Variants in ZSWIM6 observed in about 807,000 individuals in gnomAD.
The protein encoded by ZSWIM6 is zinc finger SWIM domain-containing protein 6.
A neutral mutation model predicts 113.2 loss-of-function variants in ZSWIM6; 9 were observed. That is an observed-to-expected ratio of 0.08 (90% CI 0.05 to 0.14). The LOEUF (loss-of-function observed/expected upper bound fraction) is 0.14, where lower values mean the gene tolerates loss of function less well. Among genes scored for constraint, ZSWIM6 ranks in the 10% least tolerant of loss-of-function variants. The probability of loss-of-function intolerance (pLI) is 1.00; values close to 1 mark genes in which losing one functional copy is unlikely to be tolerated. For synonymous variants in ZSWIM6, 611 were observed against 606.5 expected (o/e 1.01, Z -0.11); for missense variants, 1,162 against 1,552.2 (o/e 0.75, Z 4.22).
At chr5:61,453,972 G>A (rs1327441616) in intron 1 of ZSWIM6, among the ~76,000 whole-genome samples, 1 of 151,938 alleles carries the variant, frequency 6.6e-6, no homozygotes, top group African/African-American at 2.4e-5. Context: ...TTATTACTAT[G>A]TTATTCTAAT....
chr5:61,453,790 C>T (rs1286533180), intron 1 of ZSWIM6, among the ~76,000 whole-genome samples: 2 of 151,780 alleles, frequency 1.3e-5, no homozygotes, highest in Admixed American at 6.6e-5. Flanking sequence ...GATTAAACTC[C>T]ACCTACAGGA....
chr5:61,436,837 G>A (rs1746718419), intron 1 of ZSWIM6, among the ~76,000 whole-genome samples: 1 of 152,074 alleles, frequency 6.6e-6, no homozygotes, highest in Non-Finnish European at 1.5e-5. Flanking sequence ...CAATGAAACT[G>A]GTCTGTCTTT....
chr5:61,477,537 T>C (rs1024115564), intron 2 of ZSWIM6, among the ~76,000 whole-genome samples: 1 of 152,246 alleles, frequency 6.6e-6, no homozygotes, highest in Non-Finnish European at 1.5e-5. Flanking sequence ...TGTGTTGTTT[T>C]TCCATTTCAA....
intron 1 of ZSWIM6, among the ~76,000 whole-genome samples, chr5:61,431,753 CAA>C (rs1746587737): frequency 6.6e-6 from 1 of 151,866 alleles, no homozygotes; most frequent in Admixed American, 6.6e-5. Flanking sequence ...TCAAAAAAAA[CAA>C]AACAAAAAAA....
intron 1 of ZSWIM6, among the ~76,000 whole-genome samples, chr5:61,466,178 A>G (rs1366365169): frequency 3.3e-5 from 5 of 152,270 alleles, no homozygotes; most frequent in Middle Eastern, 3.4e-3. Flanking sequence ...ATTATGTGCA[A>G]TAGTTCTCAG....
chr5:61,408,986 C>G (rs13178686), intron 1 of ZSWIM6, among the ~76,000 whole-genome samples: 32,550 of 150,392 alleles, frequency 0.22, 3,680 homozygotes, highest in South Asian at 0.31. Flanking sequence ...GACCCGACCG[C>G]GCAGAGGCGG....
At chr5:61,461,796 C>G (rs1204681480) in intron 1 of ZSWIM6, among the ~76,000 whole-genome samples, 1 of 152,124 alleles carries the variant, frequency 6.6e-6, no homozygotes, top group Non-Finnish European at 1.5e-5. Flanking sequence ...AACACTCCCC[C>G]CAACCAACTA....
At chr5:61,342,032 A>C (rs957858100) in intron 1 of ZSWIM6, among the ~76,000 whole-genome samples, 3 of 151,926 alleles carry the variant, frequency 2.0e-5, no homozygotes, top group Admixed American at 6.6e-5. Context: ...GACATGCGCC[A>C]TGACGCCTGG....
In ZSWIM6 at chr5:61,391,002, G is replaced by A. The variant is rs560920744; in HGVS notation, c.676+58054G>A. 9 of 754,064 alleles carry A rather than the reference G, an allele frequency of 1.2e-5. No homozygotes were observed. In the East Asian group the frequency reaches 2.2e-4, roughly 19 times the overall value. 46.7% of individuals were successfully genotyped at this position (754,064 alleles called of 1,614,324 possible). Reference sequence around the variant, plus strand: ...TGATCAGTTTGCTGTCCCTGACAAAGTATCCCTGGCTGATCTTATAGATCT... The same window carrying A: ...TGATCAGTTTGCTGTCCCTGACAAAATATCCCTGGCTGATCTTATAGATCT... On this transcript the variant is annotated intron_variant, in intron 1 of 13. Transcript: ENST00000252744.
intron 1 of ZSWIM6, among the ~76,000 whole-genome samples, chr5:61,432,013 A>G (rs992936861): frequency 6.6e-6 from 1 of 152,148 alleles, no homozygotes; most frequent in African/African-American, 2.4e-5. Context: ...CACAGAACAG[A>G]AGCAAATAGC....
intron 1 of ZSWIM6, among the ~76,000 whole-genome samples, chr5:61,443,260 G>A (rs537064502): frequency 6.6e-6 from 1 of 152,250 alleles, no homozygotes; most frequent in Admixed American, 6.5e-5. Context: ...CAGTTGATAA[G>A]GAAATCTGGT....
chr5:61,543,811 A>C lies in ZSWIM6; in HGVS notation c.3142A>C (p.Lys1048Gln). 1.3e-6 allele frequency: 2 copies of C among 1,551,926 alleles called. No homozygotes were observed. The highest frequency in any genetic ancestry group is 1.7e-6 in the Non-Finnish European group (2 of 1,147,044). ...CCGCGGGTACCCCATGAGGGCCTAC[A>C]AGCTGGCCACCCTGGCCATGACCCA... is the stretch of plus-strand genomic sequence containing the variant. ...EHRGYPMRAY[K>Q]LATLAMTHLN... Residue 1048 changes from lysine to glutamine, a missense_variant, in exon 14 of 14, where the codon AAG (lysine) becomes CAG (glutamine). Physicochemically the swap from Lys to Gln is moderately conservative, Grantham distance 53. Transcript: ENST00000252744. The surrounding 1 kb of genome is among the most constrained non-coding windows in gnomAD (Gnocchi z 4.3).
chr5:61,471,479 C>G (rs1747570075), intron 1 of ZSWIM6, among the ~76,000 whole-genome samples: 1 of 152,166 alleles, frequency 6.6e-6, no homozygotes, highest in Non-Finnish European at 1.5e-5. Flanking sequence ...TGATAGTAAG[C>G]TGTAGCTAGT....
At chr5:61,370,464 A>G (rs1032202391) in intron 1 of ZSWIM6, among the ~76,000 whole-genome samples, 1 of 152,204 alleles carries the variant, frequency 6.6e-6, no homozygotes, top group Non-Finnish European at 1.5e-5. Flanking sequence ...TTGGTTTGAC[A>G]TTGTATGATA....
At chr5:61,518,597 A>C (rs989748944) in intron 4 of ZSWIM6, among the ~76,000 whole-genome samples, 3 of 152,126 alleles carry the variant, frequency 2.0e-5, no homozygotes, top group Non-Finnish European at 1.5e-5. Flanking sequence ...CTTTTGAGAA[A>C]TGTCTGTTCA....
chr5:61,469,978 A>G (rs946032017), intron 1 of ZSWIM6, among the ~76,000 whole-genome samples: 1 of 152,148 alleles, frequency 6.6e-6, no homozygotes, highest in Non-Finnish European at 1.5e-5. Context: ...AAGTGCTGGG[A>G]TTACAGGCAT....
In ZSWIM6 at chr5:61,348,997, T is replaced by G. The variant is rs189391727; in HGVS notation, c.676+16049T>G. ...AAAAATCGGAGAAAATGAGGGACAGTTTTTTTTAATGAGAAATCAGAATAT... is the reference window on the plus strand; with the variant it reads ...AAAAATCGGAGAAAATGAGGGACAGGTTTTTTTAATGAGAAATCAGAATAT... On this transcript the variant is annotated intron_variant, in intron 1 of 13. Transcript: ENST00000252744. Among the ~76,000 whole-genome samples, 125 of 149,668 alleles carry G rather than the reference T, an allele frequency of 8.4e-4. 1 individual carries two copies. The highest frequency in any genetic ancestry group is 2.9e-3 in the African/African-American group (121 of 41,248).
chr5:61,444,940 C>T (rs1011955150), intron 1 of ZSWIM6, among the ~76,000 whole-genome samples: 3 of 152,074 alleles, frequency 2.0e-5, no homozygotes, highest in South Asian at 2.1e-4. Context: ...TTCGGACCTA[C>T]GAGTCAAAGC....
chr5:61,446,368 T>C (rs1746953687), intron 1 of ZSWIM6, among the ~76,000 whole-genome samples: 1 of 152,230 alleles, frequency 6.6e-6, no homozygotes. Context: ...AGTTCCTTGC[T>C]AACTACTTTG....
Sources: allele counts gnomAD v4.1 joint callset (sites outside exome capture counted in the v4.1 genomes callset), GRCh38; gene constraint gnomAD v4.1.1; non-coding constraint Gnocchi (gnomAD v3.1); transcripts MANE v1.5; gene names NCBI Gene and HGNC (gene_info 2026-07-23, HGNC 2026-07-21).